The following HECTD4 variants were observed in gnomAD, a reference collection of about 807,000 sequenced individuals.
The protein encoded by HECTD4 is probable E3 ubiquitin-protein ligase HECTD4.
A neutral mutation model predicts 471.5 loss-of-function variants in HECTD4; 114 were observed. The ratio of observed to expected loss-of-function variants is 0.24; its 90% confidence interval spans 0.21 to 0.28. HECTD4 has a LOEUF of 0.28. HECTD4 is among the 10% of genes least tolerant of loss of function. The probability of loss-of-function intolerance (pLI) is 1.00; values close to 1 mark genes in which losing one functional copy is unlikely to be tolerated. For missense variants in HECTD4, 3,866 were observed against 5,651.5 expected (o/e 0.68, Z 10.13); for synonymous variants, 2,012 against 2,256.0 (o/e 0.89, Z 3.07).
At position 112,162,428 on chromosome 12, in the gene HECTD4, G is replaced by A. The variant is rs961224502; in HGVS notation, c.13216C>T (p.Arg4406Cys). ...TCTTCACGGTAGTGAATGGCACAAC[G>A]AAGTTTCTCCAGCATGATTTCCAGA... Reference protein sequence around the residue: ...SSLEIMLEKLRCAIHYREDPL... With the variant: ...SSLEIMLEKLCCAIHYREDPL... The change falls in exon 76 of 76, where the codon CGT (arginine) becomes TGT (cysteine). Residue 4406 changes from arginine to cysteine, a missense_variant. Arg to Cys is a radical substitution (Grantham distance 180, BLOSUM62 -3). Transcript: ENST00000682272. The surrounding 1 kb of genome is among the most constrained non-coding windows in gnomAD (Gnocchi z 5.2). 5 of 1,613,906 alleles carry A rather than the reference G, an allele frequency of 3.1e-6. No homozygotes were observed. Among genetic ancestry groups the A allele is most frequent in the Non-Finnish European group, 4.2e-6 (5 of 1,179,902 alleles).
chr12:112,258,221 C>T (rs1015165755), intron 20 of HECTD4, among the ~76,000 whole-genome samples: 1 of 151,878 alleles, frequency 6.6e-6, no homozygotes, highest in South Asian at 2.1e-4. Context: ...GCCAAACTGC[C>T]TGCCAAAGTC....
intron 55 of HECTD4, 50 bp downstream of exon 55, chr12:112,200,580 TGGTAGAGC>T: frequency 6.5e-7 from 1 of 1,549,690 alleles, no homozygotes; most frequent in Non-Finnish European, 8.8e-7. Context: ...ATGGTACATG[TGGTAGAGC>T]GAAGTTGGTG....
intron 40 of HECTD4, among the ~76,000 whole-genome samples, 194 bp downstream of exon 40, chr12:112,230,493 C>T (rs929553150): frequency 1.4e-4 from 22 of 152,142 alleles, no homozygotes; most frequent in African/African-American, 4.3e-4. Flanking sequence ...AAATGAGAAC[C>T]GGGAGTGACA....
rs1464336658 is a variant in HECTD4, at chr12:112,195,075, G to A, written c.8568-9C>T. 3 of 1,584,152 alleles carry A rather than the reference G, an allele frequency of 1.9e-6. No individual in the cohort carries two copies. The highest frequency in any genetic ancestry group is 3.6e-5 in the Admixed American group (2 of 55,178). ...CGCAGCGCAGCAGCTCCCTGCAAGG[G>A]AAAAGGTGGGTGAGATACTCAAAGC... On this transcript the variant is annotated splice_polypyrimidine_tract_variant and intron_variant, in intron 55 of 75. Transcript: ENST00000682272.
At chr12:112,224,882 T>C (rs1402517512) in intron 44 of HECTD4, among the ~76,000 whole-genome samples, 1 of 152,214 alleles carries the variant, frequency 6.6e-6, no homozygotes, top group Non-Finnish European at 1.5e-5. Context: ...GAAAAGCAAG[T>C]GATTAATTCA....
At chr12:112,308,643 C>T (rs1015222601) in intron 6 of HECTD4, 110 bp downstream of exon 6, 13 of 1,014,768 alleles carry the variant, frequency 1.3e-5, no homozygotes, top group Middle Eastern at 2.5e-4. Context: ...AAAAGGATGC[C>T]ACTCTGGGAG....
intron 18 of HECTD4, 23 bp downstream of exon 18, chr12:112,261,282 A>C: frequency 6.5e-7 from 1 of 1,537,774 alleles, no homozygotes. Flanking sequence ...GCAGCTGGTC[A>C]CAGCCCACAA....
chr12:112,270,159 C>G (rs2034381651), intron 12 of HECTD4, 68 bp downstream of exon 12: 1 of 1,365,212 alleles, frequency 7.3e-7, no homozygotes, highest in South Asian at 1.3e-5. Flanking sequence ...TAAAAATGAA[C>G]TGGCTGAAGC....
intron 2 of HECTD4, among the ~76,000 whole-genome samples, chr12:112,318,720 T>A (rs767797310): frequency 1.3e-5 from 2 of 152,202 alleles, no homozygotes; most frequent in Non-Finnish European, 2.9e-5. Context: ...AATCTTCCAA[T>A]TAAATTGATC....
intron 38 of HECTD4, among the ~76,000 whole-genome samples, chr12:112,232,650 G>A (rs1357742148): frequency 6.6e-6 from 1 of 151,898 alleles, no homozygotes; most frequent in Non-Finnish European, 1.5e-5. Context: ...TAAGGTATTT[G>A]TAATTCTTAT....
At position 112,264,448 on chromosome 12, in the gene HECTD4, G is replaced by C. The variant is rs116490937; in HGVS notation, c.2620-236C>G. ...TCCTCACTAATTAGAATACTTACTT[G>C]AATTTTTGCCTCTTAATAATTATTC... On this transcript the variant is annotated intron_variant, in intron 16 of 75. Transcript: ENST00000682272. Among the ~76,000 whole-genome samples, 320 of 152,080 alleles carry C rather than the reference G, an allele frequency of 2.1e-3. 1 individual carries two copies. Among genetic ancestry groups the C allele is most frequent in the Middle Eastern group, 0.01 (3 of 294 alleles).
chr12:112,250,054 T>C, intron 25 of HECTD4, 90 bp downstream of exon 25: 6 of 906,270 alleles, frequency 6.6e-6, no homozygotes, highest in South Asian at 1.6e-5. Flanking sequence ...TAAAGTTTCA[T>C]TTACTAGACC....
At chr12:112,348,279 C>T (rs976346502) in intron 1 of HECTD4, among the ~76,000 whole-genome samples, 5 of 152,066 alleles carry the variant, frequency 3.3e-5, no homozygotes, top group African/African-American at 9.7e-5. Context: ...TTTTTATAAG[C>T]GACCTCTAAA....
At chr12:112,264,889 T>C (rs1367407272) in intron 16 of HECTD4, among the ~76,000 whole-genome samples, 1 of 152,128 alleles carries the variant, frequency 6.6e-6, no homozygotes, top group African/African-American at 2.4e-5. Flanking sequence ...CTCAGCCTCC[T>C]GAGTAGCTGG....
chr12:112,240,015 G>A lies in HECTD4; in HGVS notation c.4971C>T (p.Leu1657=), dbSNP rs1172525705. The A allele has an allele frequency of 6.2e-7, 1 of 1,613,676 alleles. No homozygotes were observed. The change falls in exon 33 of 76, where the codon CTC becomes CTT. Residue 1657 remains leucine, a synonymous_variant. Coordinates refer to ENST00000682272, the MANE Select transcript of HECTD4 (RefSeq NM_001388303.1). ...CCTGCTCGACCATCCCACCACATGTGAGTTCTTCAATTCTGTGAAAGAGAA... is the reference window on the plus strand; with the variant it reads ...CCTGCTCGACCATCCCACCACATGTAAGTTCTTCAATTCTGTGAAAGAGAA... ...VLQGGPRIEE[L]TCGGMVEQVQ... is the part of the protein sequence containing the mutation.
chr12:112,200,594 T>G (rs777476763), intron 55 of HECTD4, 44 bp downstream of exon 55: 2 of 1,583,348 alleles, frequency 1.3e-6, no homozygotes, highest in South Asian at 2.3e-5. Flanking sequence ...AGAGCGAAGT[T>G]GGTGGATTTC....
intron 4 of HECTD4, 88 bp from the exon 5 acceptor site, chr12:112,309,757 G>A: frequency 1.6e-6 from 1 of 611,714 alleles, no homozygotes; most frequent in Non-Finnish European, 2.7e-6. Flanking sequence ...AAGCCATTAG[G>A]AGGTTGAGTG....
intron 67 of HECTD4, among the ~76,000 whole-genome samples, chr12:112,172,228 AAC>A (rs1413213818): frequency 6.6e-6 from 1 of 152,192 alleles, no homozygotes; most frequent in Non-Finnish European, 1.5e-5. Flanking sequence ...TCTCTTTGGA[AAC>A]ACAGGGGCAC....
At chr12:112,181,458 A>C (rs900192205) in intron 62 of HECTD4, among the ~76,000 whole-genome samples, 1 of 152,042 alleles carries the variant, frequency 6.6e-6, no homozygotes, top group Non-Finnish European at 1.5e-5. Context: ...ACATTTCCAG[A>C]TTTCATGATT....
Sources: gnomAD v4.1 joint callset for allele counts (sites outside exome capture counted in the v4.1 genomes callset) on GRCh38, gnomAD v4.1.1 for gene constraint, Gnocchi (gnomAD v3.1) non-coding constraint, MANE v1.5 for transcripts, NCBI Gene and HGNC (gene_info 2026-07-23, HGNC 2026-07-21) for gene names.